NUP155: variants seen among roughly 807,000 people sequenced by gnomAD.
The protein encoded by NUP155 is nucleoporin 155.
A neutral mutation model predicts 180.4 loss-of-function variants in NUP155; 71 were observed. The observed-to-expected ratio is 0.39, with a 90% CI of 0.33 to 0.48. The LOEUF is 0.48. Among genes scored for constraint, NUP155 ranks in the 20% least tolerant of loss-of-function variants. The probability of loss-of-function intolerance (pLI) is 0.91; values close to 1 mark genes in which losing one functional copy is unlikely to be tolerated. For synonymous variants in NUP155, 582 were observed against 559.5 expected, an observed-to-expected ratio of 1.04 and a Z score of -0.57; for missense variants, 1,553 against 1,648.9, an observed-to-expected ratio of 0.94 and a Z score of 1.01.
rs1401061094 is a variant in NUP155, at chr5:37,371,045, G to A, written c.-68C>T. On this transcript the variant is annotated 5_prime_UTR_variant, in exon 1 of 35. Transcript: ENST00000231498. ...CAAGGAGAAACAAGAAAAGATCCAA[G>A]AAGTTAGCTTAGATCCGCCGCCTAG... The A allele has an allele frequency of 2.6e-6, 4 of 1,568,170 alleles. No individual in the cohort carries two copies. The highest frequency in any genetic ancestry group is 1.7e-5 in the Admixed American group (1 of 59,096).
chr5:37,295,060 G>A (rs1425189855), intron 32 of NUP155, among the ~76,000 whole-genome samples: 1 of 152,020 alleles, frequency 6.6e-6, no homozygotes, highest in Admixed American at 6.6e-5. Flanking sequence ...CCCTCTCCCT[G>A]TCCCTCTCCC....
chr5:37,331,555 C>T (rs1744962380), intron 14 of NUP155, 130 bp downstream of exon 14: 1 of 466,108 alleles, frequency 2.1e-6, no homozygotes, highest in Non-Finnish European at 3.7e-6. Flanking sequence ...GCCTGGGCAA[C>T]AAGAGCGAAA....
intron 12 of NUP155, among the ~76,000 whole-genome samples, 183 bp from the exon 13 acceptor site, chr5:37,333,816 T>C: frequency 6.6e-6 from 1 of 152,080 alleles, no homozygotes; most frequent in East Asian, 1.9e-4. Context: ...GTTTTTGTTT[T>C]TTGTTTTTTT....
In NUP155 at chr5:37,331,711, T is replaced by C. The variant is rs763951022; in HGVS notation, c.1603A>G (p.Ile535Val). 4 of 1,604,124 alleles carry C rather than the reference T, an allele frequency of 2.5e-6. No homozygotes were observed. The South Asian group carries it at 4.4e-5, about 18-fold the overall frequency. ...TGATGTAATTTAAAGAATCTTTCAATCTCTTCTCCATCTCCTCCCACATTA... is the reference window on the plus strand; with the variant it reads ...TGATGTAATTTAAAGAATCTTTCAACCTCTTCTCCATCTCCTCCCACATTA... ...VSNVGGDGEE[I>V]ERFFKLHQED... Residue 535 changes from isoleucine (I) to valine (V), a missense_variant, in exon 14 of 35, where the codon ATT becomes GTT. By Grantham distance (29) the Ile-to-Val change is conservative. Coordinates refer to ENST00000231498, the MANE Select transcript of NUP155 (RefSeq NM_153485.3).
At chr5:37,367,014 G>T (rs1359123694) in intron 1 of NUP155, among the ~76,000 whole-genome samples, 2 of 151,758 alleles carry the variant, frequency 1.3e-5, no homozygotes, top group African/African-American at 4.8e-5. Context: ...GATTACAGAT[G>T]TGAGCCACTG....
rs567903304 is a variant in NUP155 at position 37,352,922 on chromosome 5, A to C, written c.464-93T>G. 5 of 820,432 alleles carry C rather than the reference A, an allele frequency of 6.1e-6. No individual in the cohort carries two copies. In the African/African-American group the frequency reaches 8.4e-5, roughly 14 times the overall value. The allele number at this position is 820,432 out of a possible 1,614,324, so 50.8% of individuals were successfully genotyped here. ...TACCATTAAAGTGAGCTACTAATTA[A>C]ATGGTATATGAAAAGTCTGGATGCA... On this transcript the variant is annotated intron_variant, in intron 4 of 34. Transcript: ENST00000231498.
Position 37,339,235 on chromosome 5 carries a change from C to T in NUP155, c.1247-1317G>A, listed in dbSNP as rs530064642. On this transcript the variant is annotated intron_variant, in intron 11 of 34. Transcript: ENST00000231498. ...CATGAGGCAGGAGGATTGCTTGAGC[C>T]GGGGAGGTAGAGGCTGTAATGAGTC... is the stretch of plus-strand genomic sequence containing the variant. Among the ~76,000 whole-genome samples the T allele has an allele frequency of 8.4e-5, 12 of 143,094 alleles. No individual in the cohort carries two copies. In the South Asian group the frequency reaches 2.3e-3, roughly 27 times the overall value. 93.9% of individuals were successfully genotyped at this position (143,094 alleles called of 152,430 possible). A position where few individuals can be genotyped will look rare whatever the true frequency, so the allele number is the denominator to read the frequency against.
chr5:37,319,841 G>A (rs1410439708), intron 20 of NUP155, among the ~76,000 whole-genome samples: 4 of 151,886 alleles, frequency 2.6e-5, no homozygotes, highest in East Asian at 1.9e-4. Context: ...ACTGCACTCC[G>A]GCCTGGGCAA....
At position 37,291,789 on chromosome 5, in the gene NUP155, T is replaced by A; in HGVS notation, c.*111A>T. 1.0e-6 allele frequency: 1 copy of A among 980,170 alleles called. No individual in the cohort carries two copies. Among genetic ancestry groups the A allele is most frequent in the African/African-American group, 1.6e-5 (1 of 61,268 alleles). The allele number at this position is 980,170 out of a possible 1,614,324, so 60.7% of individuals were successfully genotyped here. ...AGATATTAGCCACTTATTAAAAACATATTTCTATTAAGATTGTTCTTACAT... is the reference window on the plus strand; with the variant it reads ...AGATATTAGCCACTTATTAAAAACAAATTTCTATTAAGATTGTTCTTACAT... On this transcript the variant is annotated 3_prime_UTR_variant, in exon 35 of 35. Coordinates refer to ENST00000231498, the MANE Select transcript of NUP155 (RefSeq NM_153485.3).
At position 37,333,703 on chromosome 5, in the gene NUP155, C is replaced by T. The variant is rs1207677536; in HGVS notation, c.1348-70G>A. 2.7e-6 allele frequency: 3 copies of T among 1,108,958 alleles called. No individual in the cohort carries two copies. In the African/African-American group the frequency reaches 4.9e-5, roughly 18 times the overall value. 68.7% of individuals were successfully genotyped at this position (1,108,958 alleles called of 1,614,324 possible). A position where few individuals can be genotyped will look rare whatever the true frequency, so the allele number is the denominator to read the frequency against. ...ATAATGCAAAAGAAAAAACTACAGA[C>T]TTAATAAAGAAGTAAATTTAATAAA... On this transcript the variant is annotated intron_variant, in intron 12 of 34. Coordinates refer to ENST00000231498, the MANE Select transcript of NUP155 (RefSeq NM_153485.3).
chr5:37,363,240 T>C (rs1232252148), intron 3 of NUP155, among the ~76,000 whole-genome samples: 1 of 152,188 alleles, frequency 6.6e-6, no homozygotes, highest in African/African-American at 2.4e-5. Flanking sequence ...AATGCACGTG[T>C]GTTCCTAAAA....
chr5:37,362,077 A>C (rs1244843426), intron 3 of NUP155, among the ~76,000 whole-genome samples: 2 of 152,134 alleles, frequency 1.3e-5, no homozygotes, highest in Non-Finnish European at 2.9e-5. Context: ...ATGAGAAAGA[A>C]ATTCATGTTG....
intron 3 of NUP155, among the ~76,000 whole-genome samples, chr5:37,361,291 T>C (rs910845117): frequency 2.3e-4 from 27 of 116,398 alleles, no homozygotes; most frequent in African/African-American, 1.1e-3. Flanking sequence ...AAAAAGACAA[T>C]GGCTGAACAG....
At position 37,328,318 on chromosome 5, in the gene NUP155, C is replaced by A. The variant is rs372926765; in HGVS notation, c.1876+40G>T. 3 of 1,440,746 alleles carry A rather than the reference C, an allele frequency of 2.1e-6. No individual in the cohort carries two copies. The African/African-American group carries it at 4.2e-5, about 20-fold the overall frequency. 89.2% of individuals were successfully genotyped at this position (1,440,746 alleles called of 1,614,324 possible). On this transcript the variant is annotated intron_variant, in intron 17 of 34. Transcript: ENST00000231498. ...TTAAGGTTAACTCATAATGTTAGCACTTCAAAATGAATCCAATCCAAAACA... is the reference window on the plus strand; with the variant it reads ...TTAAGGTTAACTCATAATGTTAGCAATTCAAAATGAATCCAATCCAAAACA...
chr5:37,333,438 C>T, intron 13 of NUP155, 25 bp downstream of exon 13: 1 of 1,604,654 alleles, frequency 6.2e-7, no homozygotes, highest in Non-Finnish European at 8.5e-7. Flanking sequence ...ATTTTTGTCA[C>T]TACCATAACA....
intron 25 of NUP155, 116 bp from the exon 26 acceptor site, chr5:37,305,326 C>T: frequency 2.3e-6 from 2 of 871,460 alleles, no homozygotes; most frequent in South Asian, 2.9e-5. Flanking sequence ...AGGAGGACGG[C>T]TTGAGGCTGG....
At chr5:37,349,665 G>C (rs747127232) in intron 7 of NUP155, among the ~76,000 whole-genome samples, 16 of 152,094 alleles carry the variant, frequency 1.1e-4, no homozygotes, top group Admixed American at 2.0e-4. Flanking sequence ...GAAACTTCCA[G>C]TTTGGCCTAA....
Position 37,332,712 on chromosome 5 carries a change from A to T in NUP155, c.1518+751T>A, listed in dbSNP as rs140189689. Among the ~76,000 whole-genome samples the T allele has an allele frequency of 2.6e-3, 392 of 152,250 alleles. 13 individuals are homozygous for T. The East Asian group carries it at 0.068, about 26-fold the overall frequency. On this transcript the variant is annotated intron_variant, in intron 13 of 34. Coordinates refer to ENST00000231498, the MANE Select transcript of NUP155 (RefSeq NM_153485.3). The stretch of plus-strand genomic sequence containing the variant: ...ATTGGCTCTCGCCTGTAATCTCAGC[A>T]CTGTGGGAGGATGAGGTGGGTGGAT...
intron 32 of NUP155, among the ~76,000 whole-genome samples, chr5:37,298,316 T>G (rs1486413121): frequency 5.3e-5 from 8 of 152,118 alleles, no homozygotes; most frequent in Admixed American, 5.2e-4. Flanking sequence ...TAGTTGATAT[T>G]CTAATTTATG....
Sources: allele counts gnomAD v4.1 joint callset (sites outside exome capture counted in the v4.1 genomes callset), GRCh38; gene constraint gnomAD v4.1.1; transcripts MANE v1.5; gene names NCBI Gene and HGNC (gene_info 2026-07-23, HGNC 2026-07-21).